CWC27: variants seen among roughly 807,000 people sequenced by gnomAD.
CWC27 encodes spliceosome-associated protein CWC27 homolog.
In CWC27, 47 loss-of-function variants were observed where a neutral mutation model predicts 63.6. That is an observed-to-expected ratio of 0.74 (90% CI 0.58 to 0.94). The LOEUF (loss-of-function observed/expected upper bound fraction) is 0.94, where lower values mean the gene tolerates loss of function less well. Among genes scored for constraint, CWC27 ranks in the 40% least tolerant of loss-of-function variants. The pLI, the probability that CWC27 is intolerant of heterozygous loss-of-function variation, is 0.00. For synonymous variants in CWC27, 175 were observed against 179.8 expected (o/e 0.97, Z 0.22); for missense variants, 495 against 554.3 (o/e 0.89, Z 1.07).
At chr5:64,825,149 A>G (rs1205488311) in intron 10 of CWC27, among the ~76,000 whole-genome samples, 1 of 152,220 alleles carries the variant, frequency 6.6e-6, no homozygotes, top group East Asian at 1.9e-4. Flanking sequence ...CAAAAGCTAC[A>G]GCACAGTAAA....
At chr5:64,851,920 G>T (rs919003193) in intron 10 of CWC27, among the ~76,000 whole-genome samples, 1 of 151,958 alleles carries the variant, frequency 6.6e-6, no homozygotes, top group Non-Finnish European at 1.5e-5. Context: ...TCTTTTAAAG[G>T]TGAGAATTCT....
At position 64,769,164 on chromosome 5, in the gene CWC27, C is replaced by G; in HGVS notation, c.18C>G (p.Ile6Met). ...TGACCAAGATGAGCAACATCTACATCCAGGAGCCTCCCACGAATGGGAAGG... is the reference window on the plus strand; with the variant it reads ...TGACCAAGATGAGCAACATCTACATGCAGGAGCCTCCCACGAATGGGAAGG... Reference protein sequence around the residue: MSNIYIQEPPTNGKVL... With the variant: MSNIYMQEPPTNGKVL... The change falls in exon 1 of 14, where the codon ATC becomes ATG. Residue 6 changes from isoleucine (I) to methionine (M), a missense_variant. By Grantham distance (10) the Ile-to-Met change is conservative. Transcript: ENST00000381070. 1 of 1,614,082 alleles carries G rather than the reference C, an allele frequency of 6.2e-7. No homozygotes were observed. Among genetic ancestry groups the G allele is most frequent in the Non-Finnish European group, 8.5e-7 (1 of 1,179,998 alleles).
intron 11 of CWC27, among the ~76,000 whole-genome samples, chr5:64,939,006 C>G (rs558493960): frequency 6.6e-6 from 1 of 152,172 alleles, no homozygotes; most frequent in African/African-American, 2.4e-5. Context: ...AGCAATTCTT[C>G]TAACCTTTTT....
intron 11 of CWC27, among the ~76,000 whole-genome samples, chr5:64,891,163 T>C (rs1350690183): frequency 1.3e-5 from 2 of 152,184 alleles, no homozygotes; most frequent in African/African-American, 4.8e-5. Flanking sequence ...AAGTTTAAAT[T>C]GTATTTATTA....
chr5:64,806,293 T>G (rs1744667609), intron 10 of CWC27, among the ~76,000 whole-genome samples: 1 of 152,142 alleles, frequency 6.6e-6, no homozygotes, highest in African/African-American at 2.4e-5. Context: ...TTAAATAAAT[T>G]TAAAAAGTAC....
At chr5:64,799,500 C>T (rs1231284657) in intron 7 of CWC27, among the ~76,000 whole-genome samples, 3 of 150,964 alleles carry the variant, frequency 2.0e-5, no homozygotes, top group East Asian at 2.0e-4. Flanking sequence ...GCAGGAGGAT[C>T]GCTTGAACCC....
intron 11 of CWC27, among the ~76,000 whole-genome samples, chr5:64,905,200 C>CAAAAAAAAAAAAAAAAAAAAAA (rs71608574): frequency 5.4e-5 from 3 of 55,558 alleles, no homozygotes; most frequent in African/African-American, 2.0e-4. Flanking sequence ...CACTACATCT[C>CAAAAAAAAAAAAAAAAAAAAAA]AAAAAAAAAA....
At chr5:64,883,395 A>G (rs1746992035) in intron 10 of CWC27, among the ~76,000 whole-genome samples, 1 of 152,220 alleles carries the variant, frequency 6.6e-6, no homozygotes, top group South Asian at 2.1e-4. Flanking sequence ...CTACATTTGG[A>G]AATAACCTAT....
chr5:64,959,825 T>C (rs934830975), intron 11 of CWC27, among the ~76,000 whole-genome samples: 1 of 152,228 alleles, frequency 6.6e-6, no homozygotes, highest in African/African-American at 2.4e-5. Flanking sequence ...ATTCAGCTAC[T>C]ATTTATTTAG....
chr5:64,787,744 C>T (rs948365178), intron 6 of CWC27, among the ~76,000 whole-genome samples: 3 of 151,926 alleles, frequency 2.0e-5, no homozygotes, highest in Non-Finnish European at 4.4e-5. Context: ...TTTACTGAAT[C>T]GTAGGATCCT....
rs1749633142 is a variant in CWC27 at position 64,996,411 on chromosome 5, G to A, written c.1256+19173G>A. Among the ~76,000 whole-genome samples the A allele has an allele frequency of 2.0e-5, 3 of 152,080 alleles. No homozygotes were observed. In the South Asian group the frequency reaches 6.2e-4, roughly 32 times the overall value. On this transcript the variant is annotated intron_variant, in intron 13 of 13. Transcript: ENST00000381070. The stretch of plus-strand genomic sequence containing the variant: ...GTTTTATTATTTGCGTACAGATAAT[G>A]CAATTGATCACAATAAGTAAAACGT...
At chr5:64,856,474 G>A (rs987848880) in intron 10 of CWC27, among the ~76,000 whole-genome samples, 3 of 151,582 alleles carry the variant, frequency 2.0e-5, no homozygotes, top group Non-Finnish European at 4.4e-5. Flanking sequence ...GTGTATGTGT[G>A]TGTGTGTGTG....
chr5:64,876,014 T>C (rs1746784597), intron 10 of CWC27, among the ~76,000 whole-genome samples: 1 of 152,136 alleles, frequency 6.6e-6, no homozygotes, highest in Admixed American at 6.5e-5. Flanking sequence ...GAGGCTTACA[T>C]TGGTTAACTT....
chr5:64,931,626 T>C (rs895796647), intron 11 of CWC27, among the ~76,000 whole-genome samples: 17 of 152,106 alleles, frequency 1.1e-4, no homozygotes, highest in East Asian at 9.6e-4. Context: ...CTGTATACTT[T>C]CCAATTTTAT....
intron 1 of CWC27, among the ~76,000 whole-genome samples, chr5:64,771,170 C>G (rs1000413735): frequency 6.6e-6 from 1 of 152,158 alleles, no homozygotes; most frequent in Admixed American, 6.5e-5. Flanking sequence ...CAGCATAAGG[C>G]TCATCAAAGA....
chr5:64,814,802 TAGA>T (rs1744981497), intron 10 of CWC27, among the ~76,000 whole-genome samples: 1 of 152,122 alleles, frequency 6.6e-6, no homozygotes, highest in Non-Finnish European at 1.5e-5. Context: ...GGGGATGGAT[TAGA>T]AGGAGACTGA....
chr5:64,943,711 A>C (rs1054487003), intron 11 of CWC27, among the ~76,000 whole-genome samples: 3 of 152,112 alleles, frequency 2.0e-5, no homozygotes, highest in Non-Finnish European at 2.9e-5. Flanking sequence ...ATTTCTTCTC[A>C]TGGTCATAAG....
intron 10 of CWC27, among the ~76,000 whole-genome samples, chr5:64,868,455 T>C (rs1433495149): frequency 6.6e-6 from 1 of 152,072 alleles, no homozygotes; most frequent in Non-Finnish European, 1.5e-5. Flanking sequence ...AAGAAAATAT[T>C]AATAAAGTCT....
At position 64,849,871 on chromosome 5, in the gene CWC27, C is replaced by A. The variant is rs534295849; in HGVS notation, c.939-35572C>A. 1.4e-4 allele frequency among the ~76,000 whole-genome samples: 21 copies of A among 152,196 alleles called. No individual in the cohort carries two copies. In the South Asian group the frequency reaches 4.4e-3, roughly 32 times the overall value. ...TTCCTTTGCCTTCTGCCATGATTGT[C>A]AGTTTCCTGAGGCCTTCCCAGCCAT... On this transcript the variant is annotated intron_variant, in intron 10 of 13. Transcript: ENST00000381070.
Sources: gnomAD v4.1 joint callset for allele counts (sites outside exome capture counted in the v4.1 genomes callset) on GRCh38, gnomAD v4.1.1 for gene constraint, MANE v1.5 for transcripts, NCBI Gene and HGNC (gene_info 2026-07-23, HGNC 2026-07-21) for gene names.